FBXL13: variants seen among roughly 807,000 people sequenced by gnomAD.
The protein encoded by FBXL13 is F-box and leucine rich repeat protein 13.
Under a neutral mutation model 83.6 loss-of-function variants are expected in FBXL13, and 67 were observed. The observed-to-expected ratio is 0.80, with a 90% CI of 0.66 to 0.98. The LOEUF (loss-of-function observed/expected upper bound fraction) is 0.98. FBXL13 is among the 50% of genes least tolerant of loss of function. The pLI is 0.00. For missense variants in FBXL13, 822 were observed against 866.5 expected (o/e 0.95, Z 0.64); for synonymous variants, 272 against 299.5 (o/e 0.91, Z 0.95).
chr7:102,934,018 G>C, intron 8 of FBXL13: 1 of 1,614,038 alleles, frequency 6.2e-7, no homozygotes, highest in Non-Finnish European at 8.5e-7. Flanking sequence ...ATGGCCGGGC[G>C]GGTGGAGGCC....
At chr7:103,038,473 C>T (rs149462961) in intron 2 of FBXL13, among the ~76,000 whole-genome samples, 1,689 of 152,320 alleles carry the variant, frequency 0.011, 34 homozygotes, top group African/African-American at 0.039. Context: ...TCTCTCAGCA[C>T]GGCGTTCAAG....
intron 1 of FBXL13, among the ~76,000 whole-genome samples, chr7:103,069,435 A>G (rs888411095): frequency 2.6e-4 from 40 of 152,348 alleles, no homozygotes; most frequent in African/African-American, 9.1e-4. Context: ...ATATATATAC[A>G]TATATAAAAG....
chr7:103,016,706 A>G (rs137977832), intron 6 of FBXL13, among the ~76,000 whole-genome samples: 1,676 of 152,132 alleles, frequency 0.011, 35 homozygotes, highest in African/African-American at 0.039. Context: ...AGGGTCCCAC[A>G]CCCATGGAGC....
chr7:103,012,097 C>T (rs1791697287), intron 6 of FBXL13, among the ~76,000 whole-genome samples: 4 of 152,148 alleles, frequency 2.6e-5, no homozygotes. Flanking sequence ...CAGCTAGGGC[C>T]GGGCGCAGTG....
intron 6 of FBXL13, among the ~76,000 whole-genome samples, chr7:102,996,964 T>C (rs1054976103): frequency 3.9e-5 from 6 of 152,222 alleles, no homozygotes; most frequent in Admixed American, 1.3e-4. Context: ...TTTTATTATA[T>C]TGATAGTTGA....
At chr7:102,883,839 A>G (rs1584772466) in intron 12 of FBXL13, among the ~76,000 whole-genome samples, 154 bp from the exon 14 acceptor site, 1 of 152,212 alleles carries the variant, frequency 6.6e-6, no homozygotes, top group East Asian at 1.9e-4. Flanking sequence ...ATACATTTTA[A>G]TACACCTACA....
intron 8 of FBXL13, among the ~76,000 whole-genome samples, chr7:102,937,876 T>C (rs967762853): frequency 5.3e-5 from 8 of 152,218 alleles, no homozygotes; most frequent in Non-Finnish European, 8.8e-5. Context: ...TGGTCACACA[T>C]AGAGAACTTG....
chr7:103,070,856 A>G (rs1376645279), intron 1 of FBXL13, among the ~76,000 whole-genome samples: 1 of 152,222 alleles, frequency 6.6e-6, no homozygotes, highest in Admixed American at 6.5e-5. Context: ...TTCTTGAGGG[A>G]TCTGCCCACA....
intron 6 of FBXL13, among the ~76,000 whole-genome samples, chr7:102,998,682 T>C (rs1049701911): frequency 1.1e-4 from 17 of 152,008 alleles, no homozygotes; most frequent in Admixed American, 6.6e-4. Flanking sequence ...AAATATAATA[T>C]TAGGTTGGGC....
chr7:102,883,249 C>A (rs923883860), intron 14 of FBXL13, 56 bp downstream of exon 15: 43 of 1,514,590 alleles, frequency 2.8e-5, no homozygotes, highest in Non-Finnish European at 3.4e-5. Context: ...AGGAGAGAAC[C>A]TGGCACATAC....
At chr7:103,006,997 T>C (rs1791060703) in intron 6 of FBXL13, among the ~76,000 whole-genome samples, 1 of 151,990 alleles carries the variant, frequency 6.6e-6, no homozygotes, top group Non-Finnish European at 1.5e-5. Flanking sequence ...ATTTAAAAAA[T>C]TACTAAACTT....
At chr7:102,846,719 T>C (rs1048801580) in intron 17 of FBXL13, among the ~76,000 whole-genome samples, 1 of 152,192 alleles carries the variant, frequency 6.6e-6, no homozygotes, top group Non-Finnish European at 1.5e-5. Flanking sequence ...ACTTGCTAAT[T>C]GCAAATAATA....
At chr7:102,816,497 T>G (rs1296332764) in intron 19 of FBXL13, among the ~76,000 whole-genome samples, 3 of 152,184 alleles carry the variant, frequency 2.0e-5, no homozygotes. Flanking sequence ...TCACACGGAC[T>G]GACTAACCTA....
intron 8 of FBXL13, chr7:102,939,736 A>G (rs1821034810): frequency 1.4e-6 from 1 of 718,600 alleles, no homozygotes; most frequent in Non-Finnish European, 2.2e-6. Context: ...TTATACTAGG[A>G]GTTGTTTGCC....
intron 11 of FBXL13, among the ~76,000 whole-genome samples, chr7:102,900,603 T>C (rs1359803464): frequency 1.3e-5 from 2 of 152,190 alleles, no homozygotes; most frequent in Non-Finnish European, 2.9e-5. Flanking sequence ...TAGAGCCTCC[T>C]CAAAAGACTT....
At position 103,029,309 on chromosome 7, in the gene FBXL13, A is replaced by G. The variant is rs374264616; in HGVS notation, c.68+42T>C. 2.1e-5 allele frequency: 27 copies of G among 1,292,840 alleles called. No individual in the cohort carries two copies. In the African/African-American group the frequency reaches 4.1e-4, roughly 20 times the overall value. 80.1% of individuals were successfully genotyped at this position (1,292,840 alleles called of 1,614,324 possible). On this transcript the variant is annotated intron_variant, in intron 3 of 19. Transcript: ENST00000313221. ...TCTTTGCACGGAGAATATCAAGAAT[A>G]AAAACTCAAAGAGGAAGAAATTGTA...
chr7:102,822,469 T>G (rs908317872), intron 18 of FBXL13: 1 of 586,568 alleles, frequency 1.7e-6, no homozygotes, highest in Non-Finnish European at 3.2e-6. Context: ...GAGAGAGAGC[T>G]CTAGTCTTTG....
intron 16 of FBXL13, among the ~76,000 whole-genome samples, chr7:102,869,616 C>G (rs1042342674): frequency 6.6e-6 from 1 of 152,102 alleles, no homozygotes; most frequent in Non-Finnish European, 1.5e-5. Flanking sequence ...CTGGCTCTTA[C>G]ATTTAAGTCC....
intron 8 of FBXL13, among the ~76,000 whole-genome samples, chr7:102,963,058 C>A (rs1027146114): frequency 6.7e-6 from 1 of 149,598 alleles, no homozygotes; most frequent in African/African-American, 2.4e-5. Flanking sequence ...GTGGCTTATG[C>A]CTGTAATCCC....
Sources: allele counts gnomAD v4.1 joint callset (sites outside exome capture counted in the v4.1 genomes callset), GRCh38; gene constraint gnomAD v4.1.1; transcripts MANE v1.5; gene names NCBI Gene and HGNC (gene_info 2026-07-23, HGNC 2026-07-21).